Variants in VIL1 observed in about 807,000 individuals in gnomAD.
The protein encoded by VIL1 is villin-1.
A neutral mutation model predicts 104.0 loss-of-function variants in VIL1; 86 were observed. The observed-to-expected ratio is 0.83, with a 90% CI of 0.69 to 0.99. The LOEUF (loss-of-function observed/expected upper bound fraction) is 0.99. Among genes scored for constraint, VIL1 ranks in the 50% least tolerant of loss-of-function variants. VIL1 has a pLI of 0.00. For missense variants in VIL1, 944 were observed against 1,054.1 expected, an observed-to-expected ratio of 0.90 and a Z score of 1.45; for synonymous variants, 394 against 412.6, an observed-to-expected ratio of 0.95 and a Z score of 0.55.
chr2:218,436,838 A>C (rs977368777), intron 16 of VIL1, among the ~76,000 whole-genome samples: 1 of 152,232 alleles, frequency 6.6e-6, no homozygotes, highest in African/African-American at 2.4e-5. Context: ...ATTCTCTCCC[A>C]AAGTCCTATT....
At chr2:218,423,507 G>C (rs1288347203) in intron 1 of VIL1, among the ~76,000 whole-genome samples, 1 of 151,996 alleles carries the variant, frequency 6.6e-6, no homozygotes, top group Non-Finnish European at 1.5e-5. Flanking sequence ...ACAGTGGGAG[G>C]GTTCACTCTG....
intron 19 of VIL1, among the ~76,000 whole-genome samples, chr2:218,444,485 A>G (rs1036118844): frequency 4.6e-5 from 7 of 150,844 alleles, no homozygotes; most frequent in Non-Finnish European, 7.4e-5. Context: ...TCACTGTGTT[A>G]GCCAGGATGG....
chr2:218,451,067 TA>T lies in VIL1; in HGVS notation c.*1732del, dbSNP rs1289095377. The T allele has an allele frequency of 1.3e-5, 2 of 152,086 alleles. No homozygotes were observed. The highest frequency in any genetic ancestry group is 4.8e-5 in the African/African-American group (2 of 41,398). 9.4% of individuals were successfully genotyped at this position (152,086 alleles called of 1,614,324 possible). A position where few individuals can be genotyped will look rare whatever the true frequency, so the allele number is the denominator to read the frequency against. ...CAAATTAGAATTTTCCAATAAAAAA[TA>T]TATATTTTTTCAGATGTTAATAAGA... On this transcript the variant is annotated 3_prime_UTR_variant, in exon 20 of 20. Coordinates refer to ENST00000248444, the MANE Select transcript of VIL1 (RefSeq NM_007127.3).
intron 19 of VIL1, among the ~76,000 whole-genome samples, chr2:218,447,059 C>T (rs999697905): frequency 5.3e-5 from 8 of 152,058 alleles, no homozygotes; most frequent in Non-Finnish European, 1.2e-4. Flanking sequence ...CCAACGCGCC[C>T]GGCCTGACTT....
chr2:218,428,146 G>A, intron 5 of VIL1, 73 bp downstream of exon 5: 1 of 1,593,334 alleles, frequency 6.3e-7, no homozygotes, highest in Non-Finnish European at 8.6e-7. Context: ...GAGGAGGGGT[G>A]AGGGGCAGGG....
At chr2:218,423,112 C>A (rs1257089246) in intron 1 of VIL1, among the ~76,000 whole-genome samples, 1 of 152,144 alleles carries the variant, frequency 6.6e-6, no homozygotes, top group Non-Finnish European at 1.5e-5. Flanking sequence ...GCAAAAAGGG[C>A]CGGCCAGGCA....
rs1574823418 is a variant in VIL1 at position 218,450,740 on chromosome 2, G to T, written c.*1404G>T. On this transcript the variant is annotated 3_prime_UTR_variant, in exon 20 of 20. Coordinates refer to ENST00000248444, the MANE Select transcript of VIL1 (RefSeq NM_007127.3). ...ATCTGACTGGACCAACCTGGAACCT[G>T]GTCCAGACCCTCACCCACTCTATTC... 6.6e-6 allele frequency: 1 copy of T among 152,250 alleles called. No homozygotes were observed. The highest frequency in any genetic ancestry group is 1.9e-4 in the East Asian group (1 of 5,192). 9.4% of individuals were successfully genotyped at this position (152,250 alleles called of 1,614,324 possible).
At chr2:218,435,164 G>T in intron 14 of VIL1, 125 bp from the exon 15 acceptor site, 1 of 1,269,202 alleles carries the variant, frequency 7.9e-7, no homozygotes, top group Non-Finnish European at 1.1e-6. Context: ...TCCCTGTGTG[G>T]CCTGTATACA....
intron 16 of VIL1, 50 bp downstream of exon 16, chr2:218,436,676 G>C: frequency 6.3e-7 from 1 of 1,585,760 alleles, no homozygotes. Context: ...TCAATCCCCA[G>C]GGCCAAGAAA....
chr2:218,444,692 C>A (rs1326743521), intron 19 of VIL1, among the ~76,000 whole-genome samples: 1 of 152,202 alleles, frequency 6.6e-6, no homozygotes, highest in East Asian at 1.9e-4. Flanking sequence ...CTGCTCCAAT[C>A]TTGCAAGGTG....
Position 218,449,705 on chromosome 2 carries a change from G to T in VIL1, c.*369G>T, listed in dbSNP as rs772779897. On this transcript the variant is annotated 3_prime_UTR_variant, in exon 20 of 20. Coordinates refer to ENST00000248444, the MANE Select transcript of VIL1 (RefSeq NM_007127.3). Reference sequence around the variant, plus strand: ...CTATCATGACTCATTTTTATCTATGGCAGGTAGGCTGAAGCACTTTGCAGG... The same window carrying T: ...CTATCATGACTCATTTTTATCTATGTCAGGTAGGCTGAAGCACTTTGCAGG... The T allele has an allele frequency of 1.1e-5, 2 of 181,982 alleles. No individual in the cohort carries two copies. The highest frequency in any genetic ancestry group is 2.4e-5 in the Non-Finnish European group (2 of 84,264). 11.3% of individuals were successfully genotyped at this position (181,982 alleles called of 1,614,324 possible).
At chr2:218,429,538 G>A (rs1689059355) in intron 7 of VIL1, 51 bp downstream of exon 7, 1 of 1,613,608 alleles carries the variant, frequency 6.2e-7, no homozygotes, top group East Asian at 2.2e-5. Flanking sequence ...CTGGGAGAAG[G>A]TGCCCTGGCT....
At chr2:218,430,197 C>T (rs1689071503) in intron 9 of VIL1, among the ~76,000 whole-genome samples, 2 of 152,172 alleles carry the variant, frequency 1.3e-5, no homozygotes, top group South Asian at 4.1e-4. Flanking sequence ...CTGGGGCCAC[C>T]TCAGGATGTG....
At chr2:218,420,428 C>CAAAAAAAAAAAAA (rs71064447) in intron 1 of VIL1, among the ~76,000 whole-genome samples, 2 of 80,176 alleles carry the variant, frequency 2.5e-5, no homozygotes, top group African/African-American at 1.1e-4. Flanking sequence ...GACTCTGTCT[C>CAAAAAAAAAAAAA]AAAAAAAAAA....
rs1408927647 is a variant in VIL1, at chr2:218,449,646, A to AT, written c.*312dup. On this transcript the variant is annotated 3_prime_UTR_variant, in exon 20 of 20. Transcript: ENST00000248444. Reference sequence around the variant, plus strand: ...GAAGAGCACAAACACTCCATGGAACATTAGAGTTCTGAGGCACTACCCTAG... The same window carrying AT: ...GAAGAGCACAAACACTCCATGGAACATTTAGAGTTCTGAGGCACTACCCTAG... 9 of 247,360 alleles carry AT rather than the reference A, an allele frequency of 3.6e-5. No homozygotes were observed. Among genetic ancestry groups the AT allele is most frequent in the Non-Finnish European group, 7.4e-5 (9 of 121,982 alleles). 15.3% of individuals were successfully genotyped at this position (247,360 alleles called of 1,614,324 possible). A position where few individuals can be genotyped will look rare whatever the true frequency, so the allele number is the denominator to read the frequency against.
rs1689432739 is a variant in VIL1 at position 218,449,565 on chromosome 2, G to T, written c.*229G>T. Reference sequence around the variant, plus strand: ...TTTCAACTTCTAAGGTCGCTAGATTGTTTCTATCCTGAGGTATTGCATCAA... The same window carrying T: ...TTTCAACTTCTAAGGTCGCTAGATTTTTTCTATCCTGAGGTATTGCATCAA... On this transcript the variant is annotated 3_prime_UTR_variant, in exon 20 of 20. Coordinates refer to ENST00000248444, the MANE Select transcript of VIL1 (RefSeq NM_007127.3). The T allele has an allele frequency of 6.9e-6, 3 of 436,350 alleles. No individual in the cohort carries two copies. Among genetic ancestry groups the T allele is most frequent in the East Asian group, 8.8e-5 (2 of 22,706 alleles). 27.0% of individuals were successfully genotyped at this position (436,350 alleles called of 1,614,324 possible).
intron 6 of VIL1, among the ~76,000 whole-genome samples, chr2:218,428,748 C>G (rs1275170441): frequency 6.6e-6 from 1 of 152,092 alleles, no homozygotes; most frequent in Non-Finnish European, 1.5e-5. Context: ...CTCAGCTCAC[C>G]GCAACCTCCG....
Position 218,432,169 on chromosome 2 carries a change from C to G in VIL1, c.1327C>G (p.Leu443Val), listed in dbSNP as rs1483806970. Residue 443 changes from leucine to valine, a missense_variant, in exon 12 of 20, where the codon CTC (leucine) becomes GTC (valine). Leu to Val is a conservative substitution (Grantham distance 32, BLOSUM62 1). Coordinates refer to ENST00000248444, the MANE Select transcript of VIL1 (RefSeq NM_007127.3). ...CATCGGCGAGAAGCAGCATTACCTGCTCTACGTTTGGCAGGTCAGGTCCCG... is the reference window on the plus strand; with the variant it reads ...CATCGGCGAGAAGCAGCATTACCTGGTCTACGTTTGGCAGGTCAGGTCCCG... ...YLIGEKQHYL[L>V]YVWQGSQASQ... 1.9e-6 allele frequency: 3 copies of G among 1,613,388 alleles called. No individual in the cohort carries two copies. Among genetic ancestry groups the G allele is most frequent in the Middle Eastern group, 3.4e-4 (2 of 5,920 alleles).
chr2:218,424,413 G>T, intron 3 of VIL1, 62 bp downstream of exon 3: 1 of 1,560,716 alleles, frequency 6.4e-7, no homozygotes, highest in African/African-American at 1.4e-5. Context: ...TGTCAGGGAG[G>T]AAACAGGCTG....
Sources: allele counts gnomAD v4.1 joint callset (sites outside exome capture counted in the v4.1 genomes callset), GRCh38; gene constraint gnomAD v4.1.1; transcripts MANE v1.5; gene names NCBI Gene and HGNC (gene_info 2026-07-23, HGNC 2026-07-21).